Variants in DOCK6 observed in about 807,000 individuals in gnomAD.
DOCK6 encodes the protein dedicator of cytokinesis 6, also known as dedicator of cytokinesis protein 6.
Under a neutral mutation model 230.3 loss-of-function variants are expected in DOCK6, and 167 were observed. That is an observed-to-expected ratio of 0.73 (90% CI 0.64 to 0.82). The LOEUF is 0.82. Ranked by LOEUF, DOCK6 falls within the 40% of genes least tolerant of loss-of-function variation. The probability of loss-of-function intolerance (pLI) is 0.00; values close to 1 mark genes in which losing one functional copy is unlikely to be tolerated. For synonymous variants in DOCK6, 1,148 were observed against 1,185.0 expected (o/e 0.97, Z 0.64); for missense variants, 2,598 against 2,825.8 (o/e 0.92, Z 1.83).
chr19:11,249,054 T>C (rs955718659), intron 6 of DOCK6, among the ~76,000 whole-genome samples: 1 of 152,114 alleles, frequency 6.6e-6, no homozygotes, highest in Non-Finnish European at 1.5e-5. Context: ...ATATACTAGG[T>C]ACCAAATAAA....
chr19:11,250,359 G>A (rs549047169), intron 6 of DOCK6, among the ~76,000 whole-genome samples: 2 of 151,904 alleles, frequency 1.3e-5, no homozygotes, highest in Admixed American at 6.6e-5. Context: ...TGCTGCCCAG[G>A]CTGGAGTGCA....
chr19:11,239,243 G>T (rs2079900993), intron 14 of DOCK6, among the ~76,000 whole-genome samples: 1 of 152,160 alleles, frequency 6.6e-6, no homozygotes, highest in Admixed American at 6.5e-5. Context: ...ATGTGGGAGG[G>T]GAACAAGAGC....
chr19:11,241,533 G>A (rs1487060387), intron 14 of DOCK6: 18 of 1,552,810 alleles, frequency 1.2e-5, no homozygotes, highest in East Asian at 2.4e-5. Context: ...CAGCAGCATC[G>A]GCTGCGACAG....
chr19:11,217,352 T>G lies in DOCK6; in HGVS notation c.3590A>C (p.Asp1197Ala). ...GTCCCCTTCGCCTTCTGTGTCTGAG[T>G]CAAGCATTGAGGCCAGTCTTGACCG... The part of the protein sequence containing the change: ...GQRSRLASML[D>A]SDTEGEGDIA... Residue 1197 changes from aspartate (D) to alanine (A), a missense_variant, in exon 29 of 48, where the codon GAC becomes GCC. Transcript: ENST00000294618. The G allele has an allele frequency of 6.2e-7, 1 of 1,613,348 alleles. No homozygotes were observed. Among genetic ancestry groups the G allele is most frequent in the Non-Finnish European group, 8.5e-7 (1 of 1,179,712 alleles).
rs751572807 is a variant in DOCK6, at chr19:11,213,250, G to A, written c.4417C>T (p.Arg1473Cys). Residue 1473 changes from arginine (R) to cysteine (C), a missense_variant, in exon 35 of 48, where the codon CGC (arginine) becomes TGC (cysteine). By Grantham distance (180) the Arg-to-Cys change is radical. Coordinates refer to ENST00000294618, the MANE Select transcript of DOCK6 (RefSeq NM_020812.4). ...GCGTGCGTGCGGATGGTGCTGATGC[G>A]GCTGCCACAGTGTCGTAGGAGCCTC... ...CLRLLRHCGSRISTIRTHASA... is the reference protein window; with the variant it reads ...CLRLLRHCGSCISTIRTHASA... 5.2e-5 allele frequency: 84 copies of A among 1,612,538 alleles called. No homozygotes were observed. Among genetic ancestry groups the A allele is most frequent in the Non-Finnish European group, 6.7e-5 (79 of 1,179,830 alleles).
chr19:11,249,671 G>T (rs12459555), intron 6 of DOCK6, among the ~76,000 whole-genome samples: 30,733 of 151,320 alleles, frequency 0.2, 3,695 homozygotes, highest in African/African-American at 0.33. Flanking sequence ...CGAGGTGGGC[G>T]GATCACCTGA....
chr19:11,250,358 G>C (rs1248845022), intron 6 of DOCK6, among the ~76,000 whole-genome samples: 2 of 151,184 alleles, frequency 1.3e-5, no homozygotes, highest in African/African-American at 4.9e-5. Context: ...CTGCTGCCCA[G>C]GCTGGAGTGC....
At chr19:11,258,110 G>A (rs1427248425) in intron 1 of DOCK6, among the ~76,000 whole-genome samples, 1 of 152,194 alleles carries the variant, frequency 6.6e-6, no homozygotes, top group Non-Finnish European at 1.5e-5. Context: ...AAACTCACAT[G>A]TTCACTGACC....
Position 11,222,182 on chromosome 19 carries a change from A to G in DOCK6, c.3307T>C (p.Phe1103Leu), listed in dbSNP as rs755040976. 3.1e-6 allele frequency: 5 copies of G among 1,609,492 alleles called. No individual in the cohort carries two copies. In the Admixed American group the frequency reaches 8.4e-5, roughly 27 times the overall value. Residue 1103 changes from phenylalanine to leucine, a missense_variant, in exon 27 of 48, where the codon TTC becomes CTC. Transcript: ENST00000294618. The surrounding 1 kb of genome is among the most constrained non-coding windows in gnomAD (Gnocchi z 4.0). ...VTSMFELSGP[F>L]RQQHFLAGLL... is the part of the protein sequence containing the mutation. ...CCAGCTAGGAAGTGCTGCTGCCGGA[A>G]TGGTCCACTCAGTTCGAACATGCTG...
At chr19:11,231,820 G>A (rs765600788) in intron 22 of DOCK6, among the ~76,000 whole-genome samples, 1 of 152,310 alleles carries the variant, frequency 6.6e-6, no homozygotes, top group Middle Eastern at 3.4e-3. Flanking sequence ...TAGGGGAGCC[G>A]AGAGGTTCCA....
chr19:11,260,892 A>AAAAG (rs1320453864), intron 1 of DOCK6, among the ~76,000 whole-genome samples: 39 of 148,510 alleles, frequency 2.6e-4, no homozygotes, highest in African/African-American at 9.6e-4. Context: ...CAAAAAAAAA[A>AAAAG]AAAGAAAGAA....
chr19:11,247,159 G>A (rs1420942051), intron 7 of DOCK6: 2 of 152,246 alleles, frequency 1.3e-5, no homozygotes, highest in Admixed American at 1.3e-4. Context: ...GCACAATCTC[G>A]GCTCACTGAA....
Position 11,238,337 on chromosome 19 carries a change from CA to C in DOCK6, c.1644-34del, listed in dbSNP as rs751746220. On this transcript the variant is annotated intron_variant, in intron 14 of 47. Coordinates refer to ENST00000294618, the MANE Select transcript of DOCK6 (RefSeq NM_020812.4). ...GGGCAGGATGGGGGTGTCAGAGGGA[CA>C]GGGGCCCTGAAGGTGCACATACAAG... is the stretch of plus-strand genomic sequence containing the variant. 44 of 1,563,812 alleles carry C rather than the reference CA, an allele frequency of 2.8e-5. No individual in the cohort carries two copies. The East Asian group carries it at 1.0e-3, about 35-fold the overall frequency.
At chr19:11,217,154 G>C in intron 29 of DOCK6, 58 bp from the exon 30 acceptor site, 1 of 1,597,202 alleles carries the variant, frequency 6.3e-7, no homozygotes, top group African/African-American at 1.3e-5. Flanking sequence ...GATGAATCCT[G>C]GCCAATCTGT....
At chr19:11,235,858 G>T in intron 20 of DOCK6, 99 bp from the exon 21 acceptor site, 1 of 1,402,850 alleles carries the variant, frequency 7.1e-7, no homozygotes, top group East Asian at 2.6e-5. Context: ...GGGATCATGT[G>T]CTCATTAAGG....
intron 23 of DOCK6, among the ~76,000 whole-genome samples, chr19:11,228,337 A>G (rs1315107234): frequency 6.6e-6 from 1 of 151,892 alleles, no homozygotes; most frequent in East Asian, 1.9e-4. Context: ...ATCCAGGAAT[A>G]TCTCCTGCAG....
chr19:11,202,768 C>T lies in DOCK6; in HGVS notation c.5236-59G>A. ...AGGCCCCTGCTGGAGGTCTCCCTGC[C>T]CCAGAGATAGGTGTCTCGAATATCA... On this transcript the variant is annotated intron_variant, in intron 41 of 47. Coordinates refer to ENST00000294618, the MANE Select transcript of DOCK6 (RefSeq NM_020812.4). This position sits in a 1 kb window ranked among gnomAD's most constrained non-coding sequence, Gnocchi z 5.3. 2 of 1,606,380 alleles carry T rather than the reference C, an allele frequency of 1.2e-6. No individual in the cohort carries two copies. Among genetic ancestry groups the T allele is most frequent in the Non-Finnish European group, 1.7e-6 (2 of 1,179,720 alleles).
intron 1 of DOCK6, among the ~76,000 whole-genome samples, chr19:11,261,677 TCC>T (rs1484597835): frequency 4.0e-5 from 6 of 151,800 alleles, no homozygotes; most frequent in African/African-American, 1.5e-4. Context: ...CGGAAATGGA[TCC>T]CCCAGCGCCT....
At chr19:11,213,131 C>G in intron 35 of DOCK6, 45 bp downstream of exon 35, 1 of 1,587,494 alleles carries the variant, frequency 6.3e-7, no homozygotes, top group Non-Finnish European at 8.6e-7. Context: ...ACTGGCCACC[C>G]TGACCAGAGC....
Sources: allele counts gnomAD v4.1 joint callset (sites outside exome capture counted in the v4.1 genomes callset), GRCh38; gene constraint gnomAD v4.1.1; non-coding constraint Gnocchi (gnomAD v3.1); transcripts MANE v1.5; gene names NCBI Gene and HGNC (gene_info 2026-07-23, HGNC 2026-07-21).